RBFOX2: variants seen among roughly 807,000 people sequenced by gnomAD.
The protein encoded by RBFOX2 is RNA binding protein fox-1 homolog 2.
In RBFOX2, 10 loss-of-function variants were observed where a neutral mutation model predicts 49.1. The observed-to-expected ratio is 0.20, with a 90% CI of 0.13 to 0.35. The LOEUF (loss-of-function observed/expected upper bound fraction) is 0.35, where lower values mean the gene tolerates loss of function less well. RBFOX2 is among the 10% of genes least tolerant of loss of function. RBFOX2 has a pLI of 1.00. For missense variants in RBFOX2, 323 were observed against 486.9 expected, an observed-to-expected ratio of 0.66 and a Z score of 3.17; for synonymous variants, 183 against 187.4, an observed-to-expected ratio of 0.98 and a Z score of 0.19.
intron 9 of RBFOX2, among the ~76,000 whole-genome samples, chr22:35,757,454 A>G (rs1307419423): frequency 1.3e-5 from 2 of 152,184 alleles, no homozygotes; most frequent in Non-Finnish European, 2.9e-5. Context: ...TTGGTTATTC[A>G]ACTAAACAAG....
intron 1 of RBFOX2, among the ~76,000 whole-genome samples, chr22:35,818,441 GTCA>G (rs1217893160): frequency 1.3e-5 from 2 of 151,856 alleles, no homozygotes; most frequent in African/African-American, 4.8e-5. Context: ...TTATTATTTT[GTCA>G]TCATGGACAA....
chr22:35,858,140 G>A (rs528670053), intron 1 of RBFOX2, among the ~76,000 whole-genome samples: 1 of 152,184 alleles, frequency 6.6e-6, no homozygotes, highest in Non-Finnish European at 1.5e-5. Flanking sequence ...ATGAAAAATA[G>A]ACAAAATGCC....
exon 1 of RBFOX2, chr22:36,028,283 G>T: frequency 7.2e-6 from 11 of 1,534,910 alleles, no homozygotes; most frequent in Non-Finnish European, 9.6e-6. Context: ...CTCAGTGCGC[G>T]GCCGCTTGCT....
chr22:35,840,896 T>C (rs979237012), upstream of RBFOX2, among the ~76,000 whole-genome samples: 4 of 152,146 alleles, frequency 2.6e-5, no homozygotes, highest in Non-Finnish European at 4.4e-5. Flanking sequence ...AAGAAAGATG[T>C]GAAGAAGTGA....
chr22:35,953,076 T>A (rs2055129210), intron 1 of RBFOX2, among the ~76,000 whole-genome samples: 1 of 151,824 alleles, frequency 6.6e-6, no homozygotes, highest in Non-Finnish European at 1.5e-5. Flanking sequence ...CTGGGCCTGG[T>A]GGCGGGTGCC....
intron 4 of RBFOX2, among the ~76,000 whole-genome samples, chr22:35,774,830 T>A (rs921414694): frequency 6.6e-6 from 1 of 152,196 alleles, no homozygotes; most frequent in Admixed American, 6.5e-5. Context: ...GGTCTTATTA[T>A]ACAAAATAAG....
At chr22:35,873,282 C>T (rs1051939151) in intron 1 of RBFOX2, among the ~76,000 whole-genome samples, 1 of 151,986 alleles carries the variant, frequency 6.6e-6, no homozygotes, top group Non-Finnish European at 1.5e-5. Context: ...CAGGTGTGTA[C>T]CACCACGCCC....
chr22:35,938,003 G>A (rs1027596461), intron 1 of RBFOX2, among the ~76,000 whole-genome samples: 1 of 152,172 alleles, frequency 6.6e-6, no homozygotes, highest in Non-Finnish European at 1.5e-5. Flanking sequence ...TCCTGGACAA[G>A]TATAACAATG....
intron 1 of RBFOX2, among the ~76,000 whole-genome samples, chr22:36,012,705 TA>T (rs945500179): frequency 8.5e-5 from 13 of 152,134 alleles, no homozygotes; most frequent in Non-Finnish European, 1.6e-4. Context: ...TATTAAGATT[TA>T]AAAAAATAGA....
At chr22:35,886,965 C>T (rs578178732) in intron 1 of RBFOX2, among the ~76,000 whole-genome samples, 81 of 152,200 alleles carry the variant, frequency 5.3e-4, no homozygotes, top group South Asian at 5.0e-3. Flanking sequence ...AATCCTCCAC[C>T]CTCCCTCTCC....
chr22:35,932,124 C>A (rs1415306566), intron 1 of RBFOX2, among the ~76,000 whole-genome samples: 1 of 152,092 alleles, frequency 6.6e-6, no homozygotes, highest in Non-Finnish European at 1.5e-5. Context: ...AACACACTTA[C>A]CATGTCCTCC....
chr22:35,963,530 A>T (rs547318848), upstream of RBFOX2, among the ~76,000 whole-genome samples: 9 of 152,172 alleles, frequency 5.9e-5, no homozygotes, highest in Non-Finnish European at 1.2e-4. Context: ...AGTTTCTGAG[A>T]GTGCCCATCA....
At chr22:35,795,324 T>G (rs1168819567) in intron 2 of RBFOX2, among the ~76,000 whole-genome samples, 3 of 152,114 alleles carry the variant, frequency 2.0e-5, no homozygotes, top group African/African-American at 7.2e-5. Context: ...GACCTCTACA[T>G]CTAGCCTGGA....
At chr22:35,904,698 ATAAATT>A (rs1438285062) in intron 1 of RBFOX2, among the ~76,000 whole-genome samples, 2 of 152,206 alleles carry the variant, frequency 1.3e-5, no homozygotes. Context: ...TTCCAAAACT[ATAAATT>A]TATTCTTCTC....
intron 9 of RBFOX2, among the ~76,000 whole-genome samples, chr22:35,755,059 G>C (rs1041132896): frequency 6.6e-6 from 1 of 152,206 alleles, no homozygotes; most frequent in African/African-American, 2.4e-5. Context: ...TAGGTTGCTT[G>C]TGAATCTCTG....
intron 1 of RBFOX2, among the ~76,000 whole-genome samples, chr22:36,008,877 TTAAAGTA>T (rs2058712741): frequency 1.3e-5 from 2 of 152,056 alleles, no homozygotes; most frequent in Non-Finnish European, 2.9e-5. Context: ...TTGTCCTACC[TTAAAGTA>T]AAATATACAA....
At chr22:35,822,827 C>CT (rs57822436) in intron 1 of RBFOX2, 22,274 of 379,784 alleles carry the variant, frequency 0.059, 2 homozygotes, top group South Asian at 0.096. Flanking sequence ...TTTGGGTTGT[C>CT]TTTTTTTTTT....
chr22:35,832,044 CCAA>C (rs1423780756), intron 1 of RBFOX2, among the ~76,000 whole-genome samples: 2 of 152,122 alleles, frequency 1.3e-5, no homozygotes, highest in Non-Finnish European at 2.9e-5. Flanking sequence ...TTATAAATTG[CCAA>C]CAACACTACA....
intron 5 of RBFOX2, among the ~76,000 whole-genome samples, chr22:35,767,119 A>G (rs1941226288): frequency 1.3e-5 from 2 of 152,128 alleles, no homozygotes; most frequent in Non-Finnish European, 2.9e-5. Context: ...GCAAGGGGAA[A>G]AAAATCACCA....
Sources: allele counts gnomAD v4.1 joint callset (sites outside exome capture counted in the v4.1 genomes callset), GRCh38; gene constraint gnomAD v4.1.1; transcripts MANE v1.5; gene names NCBI Gene and HGNC (gene_info 2026-07-23, HGNC 2026-07-21).